Variants in TRMT11 observed in about 807,000 individuals in gnomAD.
TRMT11 encodes the protein tRNA methyltransferase 11, also known as tRNA (guanine(10)-N(2))-methyltransferase TRMT11.
In TRMT11, 53 loss-of-function variants were observed where a neutral mutation model predicts 62.8. The ratio of observed to expected loss-of-function variants is 0.84; its 90% CI spans 0.68 to 1.06. The LOEUF (loss-of-function observed/expected upper bound fraction) is 1.06. TRMT11 is among the 50% of genes least tolerant of loss of function. The pLI is 0.00. For missense variants in TRMT11, 556 were observed against 553.4 expected, an observed-to-expected ratio of 1.00 and a Z score of -0.05; for synonymous variants, 188 against 190.3, an observed-to-expected ratio of 0.99 and a Z score of 0.10.
At chr6:125,989,359 C>T (rs755167560) in intron 1 of TRMT11, among the ~76,000 whole-genome samples, 8 of 151,992 alleles carry the variant, frequency 5.3e-5, no homozygotes, top group Non-Finnish European at 1.2e-4. Flanking sequence ...GTCTCTTGAC[C>T]TTGTGATCCG....
chr6:126,186,841 A>G (rs1407856657), intron 1 of TRMT11, among the ~76,000 whole-genome samples: 1 of 152,112 alleles, frequency 6.6e-6, no homozygotes, highest in Non-Finnish European at 1.5e-5. Flanking sequence ...AGTGCTGGGT[A>G]AAATTAATGA....
chr6:125,992,334 TG>T (rs1790757729), intron 1 of TRMT11, among the ~76,000 whole-genome samples: 1 of 152,234 alleles, frequency 6.6e-6, no homozygotes, highest in Admixed American at 6.5e-5. Flanking sequence ...CAAACTTTGG[TG>T]TTTTAACTTG....
At chr6:126,080,148 CTGGAG>C (rs1282335925) in intron 17 of TRMT11, among the ~76,000 whole-genome samples, 1 of 152,066 alleles carries the variant, frequency 6.6e-6, no homozygotes, top group African/African-American at 2.4e-5. Context: ...GTTACCCAGG[CTGGAG>C]TGCAGTGGCG....
At chr6:126,255,119 A>G in the TRMT11 span, among the ~76,000 whole-genome samples, 3 of 152,206 alleles carry the variant, frequency 2.0e-5, no homozygotes, top group East Asian at 5.8e-4. Flanking sequence ...TACTTCCCAA[A>G]TAGCCACTAA....
chr6:126,192,884 A>G (rs1778619355), intron 1 of TRMT11, among the ~76,000 whole-genome samples: 1 of 152,146 alleles, frequency 6.6e-6, no homozygotes, highest in Non-Finnish European at 1.5e-5. Flanking sequence ...ATTGGCGTAT[A>G]GTTTTATTTT....
At chr6:126,257,132 C>G in the TRMT11 span, among the ~76,000 whole-genome samples, 1 of 151,946 alleles carries the variant, frequency 6.6e-6, no homozygotes. Context: ...ATGATCCACC[C>G]ACGTCAGCAT....
At chr6:126,008,804 A>G in intron 8 of TRMT11, 1 of 456,304 alleles carries the variant, frequency 2.2e-6, no homozygotes, top group Non-Finnish European at 4.2e-6. Context: ...AGTTATATGC[A>G]TATTTTTGAC....
rs371062718 is a variant in TRMT11, at chr6:126,021,205, T to C, written c.1185T>C (p.Val395=). 3 of 1,614,206 alleles carry C rather than the reference T, an allele frequency of 1.9e-6. No individual in the cohort carries two copies. Among genetic ancestry groups the C allele is most frequent in the Non-Finnish European group, 1.7e-6 (2 of 1,180,016 alleles). The change falls in exon 12 of 13, where the codon GTT becomes GTC. Residue 395 remains valine, a synonymous_variant. Transcript: ENST00000334379. ...MVPWHPCLEL[V]SNCEQKLSSH... Reference sequence around the variant, plus strand: ...CTTGGCACCCTTGCCTGGAACTCGTTAGCAACTGCGAGCAGAAGCTTTCCA... The same window carrying C: ...CTTGGCACCCTTGCCTGGAACTCGTCAGCAACTGCGAGCAGAAGCTTTCCA...
At chr6:126,123,448 G>A (rs879392441) in intron 21 of TRMT11, among the ~76,000 whole-genome samples, 9 of 152,040 alleles carry the variant, frequency 5.9e-5, no homozygotes, top group Non-Finnish European at 1.2e-4. Flanking sequence ...GGACAGACTT[G>A]AACACTCCCA....
chr6:126,028,204 T>C (rs1464792292), intron 12 of TRMT11, among the ~76,000 whole-genome samples: 1 of 152,146 alleles, frequency 6.6e-6, no homozygotes, highest in African/African-American at 2.4e-5. Flanking sequence ...TGGGTTCCCT[T>C]TTGATTAGAG....
At chr6:125,988,466 G>GAAGGGATAC (rs1438226719) in intron 1 of TRMT11, among the ~76,000 whole-genome samples, 1 of 152,210 alleles carries the variant, frequency 6.6e-6, no homozygotes, top group African/African-American at 2.4e-5. Context: ...GATGGGAAGA[G>GAAGGGATAC]AAGGGATACA....
At chr6:126,233,771 C>T in the TRMT11 span, among the ~76,000 whole-genome samples, 6 of 151,986 alleles carry the variant, frequency 3.9e-5, no homozygotes, top group African/African-American at 1.4e-4. Context: ...ATGAATCCAG[C>T]CTGGATTTCA....
chr6:126,139,895 A>G (rs1455023992), intron 21 of TRMT11, among the ~76,000 whole-genome samples: 1 of 151,934 alleles, frequency 6.6e-6, no homozygotes, highest in African/African-American at 2.4e-5. Flanking sequence ...GTCTGTTTTT[A>G]TTCTGATTCT....
intron 16 of TRMT11, among the ~76,000 whole-genome samples, chr6:126,049,165 C>T (rs1398739365): frequency 6.6e-6 from 1 of 152,198 alleles, no homozygotes; most frequent in African/African-American, 2.4e-5. Flanking sequence ...CACAGAAAGA[C>T]TCAGCACATT....
the TRMT11 span, among the ~76,000 whole-genome samples, chr6:126,234,622 T>C: frequency 6.6e-6 from 1 of 152,122 alleles, no homozygotes; most frequent in South Asian, 2.1e-4. Context: ...ACACTGTTGT[T>C]TTTTATTTTT....
At chr6:126,195,292 A>T (rs997284914) in intron 1 of TRMT11, among the ~76,000 whole-genome samples, 2 of 152,240 alleles carry the variant, frequency 1.3e-5, no homozygotes, top group Non-Finnish European at 2.9e-5. Flanking sequence ...AATCATGATG[A>T]AAATAAGATA....
chr6:126,021,437 G>C (rs1250893451), intron 12 of TRMT11, among the ~76,000 whole-genome samples, 157 bp downstream of exon 12: 1 of 152,194 alleles, frequency 6.6e-6, no homozygotes, highest in African/African-American at 2.4e-5. Flanking sequence ...GAGATTTGTG[G>C]CATCCAGTTG....
At chr6:126,119,001 G>A (rs1187736898) in intron 21 of TRMT11, among the ~76,000 whole-genome samples, 1 of 152,010 alleles carries the variant, frequency 6.6e-6, no homozygotes, top group African/African-American at 2.4e-5. Flanking sequence ...TTCCCAAAGG[G>A]CCAAGTTGAC....
intron 21 of TRMT11, among the ~76,000 whole-genome samples, chr6:126,142,613 TTAG>T (rs1430676968): frequency 2.0e-5 from 3 of 152,118 alleles, no homozygotes; most frequent in Non-Finnish European, 4.4e-5. Flanking sequence ...TTTCTGAATT[TTAG>T]TAGACACATC....
Sources: allele counts gnomAD v4.1 joint callset (sites outside exome capture counted in the v4.1 genomes callset), GRCh38; gene constraint gnomAD v4.1.1; transcripts MANE v1.5; gene names NCBI Gene and HGNC (gene_info 2026-07-23, HGNC 2026-07-21).